NTM: variants seen among roughly 807,000 people sequenced by gnomAD.
The protein encoded by NTM is IgLON family member 2.
NTM carries 13 observed loss-of-function variants against 42.1 expected under a neutral mutation model. The ratio of observed to expected loss-of-function variants is 0.31; its 90% CI spans 0.20 to 0.49. The LOEUF (loss-of-function observed/expected upper bound fraction) is 0.49, where lower values mean the gene tolerates loss of function less well. Ranked by LOEUF, NTM falls within the 20% of genes least tolerant of loss-of-function variation. The pLI is 0.99. For synonymous variants in NTM, 187 were observed against 179.2 expected (o/e 1.04, Z -0.35); for missense variants, 373 against 452.8 (o/e 0.82, Z 1.60).
intron 1 of NTM, among the ~76,000 whole-genome samples, chr11:131,583,498 AT>A (rs1297866795): frequency 6.6e-6 from 1 of 152,234 alleles, no homozygotes; most frequent in East Asian, 1.9e-4. Flanking sequence ...TGAAGGTCAT[AT>A]GCCTCCAGAA....
intron 2 of NTM, among the ~76,000 whole-genome samples, chr11:131,914,177 A>C (rs1224881681): frequency 6.6e-6 from 1 of 152,198 alleles, no homozygotes; most frequent in African/African-American, 2.4e-5. Context: ...CTGCATTTTC[A>C]CGTAACCTGA....
chr11:132,187,141 C>T (rs768375680), intron 3 of NTM, among the ~76,000 whole-genome samples: 2 of 152,018 alleles, frequency 1.3e-5, no homozygotes, highest in Non-Finnish European at 2.9e-5. Flanking sequence ...GGGAAATATG[C>T]TACTTTGAGG....
chr11:131,841,735 T>C (rs945967406), intron 1 of NTM, among the ~76,000 whole-genome samples: 1 of 152,120 alleles, frequency 6.6e-6, no homozygotes, highest in Admixed American at 6.5e-5. Context: ...CCTTGATGAC[T>C]TCCACGAGGA....
intron 3 of NTM, among the ~76,000 whole-genome samples, chr11:132,205,280 A>G (rs183914285): frequency 6.6e-6 from 1 of 152,294 alleles, no homozygotes; most frequent in East Asian, 1.9e-4. Context: ...ACAGGACTGC[A>G]CAGTGCTTCA....
At chr11:131,727,516 T>C (rs1397663501) in intron 1 of NTM, among the ~76,000 whole-genome samples, 2 of 151,534 alleles carry the variant, frequency 1.3e-5, no homozygotes, top group African/African-American at 4.9e-5. Context: ...TTAGGTGAGT[T>C]AGAGGGGCCA....
chr11:132,328,018 G>A (rs576717917), intron 7 of NTM, among the ~76,000 whole-genome samples: 6 of 152,250 alleles, frequency 3.9e-5, no homozygotes, highest in Admixed American at 2.0e-4. Context: ...TAGTCAAAAT[G>A]TTACTCAAAG....
chr11:131,838,954 T>C (rs973368446), intron 1 of NTM, among the ~76,000 whole-genome samples: 3 of 150,844 alleles, frequency 2.0e-5, no homozygotes, highest in African/African-American at 7.4e-5. Context: ...ATGAAATAAG[T>C]AAATAATCTT....
At chr11:132,309,395 C>A (rs1341817223) in intron 5 of NTM, among the ~76,000 whole-genome samples, 1 of 152,128 alleles carries the variant, frequency 6.6e-6, no homozygotes, top group South Asian at 2.1e-4. Flanking sequence ...TTTCTTGCAA[C>A]TGAGCTTTTG....
At chr11:132,184,882 G>C (rs1320454235) in intron 3 of NTM, among the ~76,000 whole-genome samples, 1 of 152,134 alleles carries the variant, frequency 6.6e-6, no homozygotes, top group Non-Finnish European at 1.5e-5. Flanking sequence ...GGCGTCAGAG[G>C]TGCCAATTCA....
intron 1 of NTM, among the ~76,000 whole-genome samples, chr11:131,461,141 G>C (rs546185346): frequency 1.3e-5 from 2 of 152,142 alleles, no homozygotes; most frequent in African/African-American, 4.8e-5. Context: ...TCTGAGAGAG[G>C]GATTGCCTGT....
At chr11:131,717,994 A>G (rs1021224316) in intron 1 of NTM, among the ~76,000 whole-genome samples, 1 of 152,196 alleles carries the variant, frequency 6.6e-6, no homozygotes, top group African/African-American at 2.4e-5. Flanking sequence ...TAGTTTGTTA[A>G]TATGATGAAG....
At chr11:131,551,116 TTGCCTC>T (rs2054607896) in intron 1 of NTM, among the ~76,000 whole-genome samples, 1 of 152,358 alleles carries the variant, frequency 6.6e-6, no homozygotes, top group East Asian at 1.9e-4. Context: ...AGCAATCCTT[TTGCCTC>T]TGCCTCTGCA....
At chr11:132,071,574 C>T (rs1022644408) in intron 2 of NTM, among the ~76,000 whole-genome samples, 2 of 152,080 alleles carry the variant, frequency 1.3e-5, no homozygotes, top group Non-Finnish European at 2.9e-5. Flanking sequence ...ATACATTAGC[C>T]ATGATTATAA....
At chr11:131,615,618 C>T (rs1017439157) in intron 1 of NTM, among the ~76,000 whole-genome samples, 3 of 152,188 alleles carry the variant, frequency 2.0e-5, no homozygotes, top group African/African-American at 7.2e-5. Context: ...GATCCACCCT[C>T]CTCAGCCTCC....
intron 1 of NTM, among the ~76,000 whole-genome samples, chr11:131,879,636 C>T (rs1310898090): frequency 1.3e-5 from 2 of 152,076 alleles, no homozygotes; most frequent in African/African-American, 2.4e-5. Context: ...AAAATCAAAA[C>T]ATATTAATTT....
At chr11:132,044,912 T>A (rs533991) in intron 2 of NTM, among the ~76,000 whole-genome samples, 1 of 151,856 alleles carries the variant, frequency 6.6e-6, no homozygotes. Flanking sequence ...AAAAAAAGCC[T>A]AGCACCAGAC....
At chr11:131,899,752 TTAAC>T (rs755125065) in intron 1 of NTM, among the ~76,000 whole-genome samples, 8 of 150,024 alleles carry the variant, frequency 5.3e-5, no homozygotes, top group Non-Finnish European at 7.4e-5. Flanking sequence ...TTTTTATCCT[TTAAC>T]TACTGTCTTG....
chr11:131,834,486 C>T (rs180891786), intron 1 of NTM, among the ~76,000 whole-genome samples: 4 of 151,890 alleles, frequency 2.6e-5, no homozygotes, highest in Admixed American at 6.6e-5. Context: ...GATCTGACGA[C>T]GTGGAGCTTC....
In NTM at chr11:132,237,930, A is replaced by G. The variant is rs1004441735; in HGVS notation, c.526+25783A>G. ...GAAATAATTACTACTTTGCCATAAT[A>G]TTAGCTCTGAGCCGTGACTCCATTA... On this transcript the variant is annotated intron_variant, in intron 4 of 8. Coordinates refer to ENST00000683400, the MANE Select transcript of NTM (RefSeq NM_001352005.2). 2.6e-5 allele frequency among the ~76,000 whole-genome samples: 4 copies of G among 152,248 alleles called. No individual in the cohort carries two copies. In the East Asian group the frequency reaches 7.7e-4, roughly 29 times the overall value.
Sources: gnomAD v4.1 joint callset for allele counts (sites outside exome capture counted in the v4.1 genomes callset) on GRCh38, gnomAD v4.1.1 for gene constraint, MANE v1.5 for transcripts, NCBI Gene and HGNC (gene_info 2026-07-23, HGNC 2026-07-21) for gene names.